ACAD10: variants seen among roughly 807,000 people sequenced by gnomAD.
The protein encoded by ACAD10 is ACAD-10.
A neutral mutation model predicts 116.8 loss-of-function variants in ACAD10; 112 were observed. The ratio of observed to expected loss-of-function variants is 0.96; its 90% CI spans 0.82 to 1.12. The LOEUF (loss-of-function observed/expected upper bound fraction) is 1.12, where lower values mean the gene tolerates loss of function less well. Ranked by LOEUF, ACAD10 falls within the 50% of genes most tolerant of loss-of-function variation. ACAD10 has a pLI of 0.00. For synonymous variants in ACAD10, 486 were observed against 510.6 expected (o/e 0.95, Z 0.65); for missense variants, 1,259 against 1,350.2 (o/e 0.93, Z 1.06).
chr12:111,733,459 T>C (rs1466590747), intron 10 of ACAD10, among the ~76,000 whole-genome samples: 2 of 152,084 alleles, frequency 1.3e-5, no homozygotes, highest in African/African-American at 4.8e-5. Flanking sequence ...GGGCAGAAGC[T>C]GTATCACGTT....
chr12:111,718,427 T>C (rs1888913077), intron 7 of ACAD10, among the ~76,000 whole-genome samples: 1 of 152,184 alleles, frequency 6.6e-6, no homozygotes, highest in Non-Finnish European at 1.5e-5. Context: ...TAGCTAGGGA[T>C]TTATCAATTA....
At chr12:111,746,100 G>T in intron 13 of ACAD10, 44 bp from the exon 14 acceptor site, 1 of 1,594,808 alleles carries the variant, frequency 6.3e-7, no homozygotes, top group East Asian at 2.2e-5. Flanking sequence ...AAAATAAAAT[G>T]AAATCTTCCA....
At chr12:111,729,439 A>G (rs1025449485) in intron 9 of ACAD10, among the ~76,000 whole-genome samples, 4 of 152,124 alleles carry the variant, frequency 2.6e-5, no homozygotes, top group African/African-American at 4.8e-5. Context: ...CGCTTTCGCC[A>G]TGTTGGACAG....
At chr12:111,718,199 G>A (rs148358168) in intron 7 of ACAD10, among the ~76,000 whole-genome samples, 7 of 151,676 alleles carry the variant, frequency 4.6e-5, no homozygotes, top group African/African-American at 1.2e-4. Flanking sequence ...ATAGTCACAC[G>A]CCACCATGTC....
intron 3 of ACAD10, among the ~76,000 whole-genome samples, chr12:111,703,986 A>G (rs889470877): frequency 3.3e-5 from 5 of 151,794 alleles, no homozygotes; most frequent in Admixed American, 1.3e-4. Context: ...GAAAGAAGCC[A>G]GTCAAAAAAG....
chr12:111,692,862 A>C lies in ACAD10; in HGVS notation c.153A>C (p.Gly51=). ...TYRAVIFDMG[G]VLIPSPGRVA... Reference sequence around the variant, plus strand: ...GAGCGGTGATTTTCGACATGGGCGGAGTTCTCATTCCTTCTCCAGGGAGAG... The same window carrying C: ...GAGCGGTGATTTTCGACATGGGCGGCGTTCTCATTCCTTCTCCAGGGAGAG... Residue 51 remains glycine (G), a synonymous_variant, in exon 2 of 21, where the codon GGA becomes GGC. Coordinates refer to ENST00000313698, the MANE Select transcript of ACAD10 (RefSeq NM_025247.6). 2 of 1,614,110 alleles carry C rather than the reference A, an allele frequency of 1.2e-6. No individual in the cohort carries two copies. Among genetic ancestry groups the C allele is most frequent in the Non-Finnish European group, 1.7e-6 (2 of 1,180,020 alleles).
At chr12:111,723,534 A>C (rs1593035748) in intron 8 of ACAD10, among the ~76,000 whole-genome samples, 4 of 115,530 alleles carry the variant, frequency 3.5e-5, no homozygotes, top group East Asian at 3.0e-4. Context: ...ACTTCCCAGT[A>C]GGGGCGGCCA....
intron 1 of ACAD10, among the ~76,000 whole-genome samples, chr12:111,690,780 CA>C (rs540935938): frequency 0.038 from 2,426 of 63,546 alleles, 65 homozygotes; most frequent in African/African-American, 0.11. Flanking sequence ...GTGAGACTCT[CA>C]AAAAAAAAAA....
chr12:111,756,633 C>A lies in ACAD10; in HGVS notation c.*160C>A. 8.5e-7 allele frequency: 1 copy of A among 1,177,012 alleles called. No homozygotes were observed. The highest frequency in any genetic ancestry group is 1.2e-6 in the Non-Finnish European group (1 of 820,812). The allele number at this position is 1,177,012 out of a possible 1,614,324, so 72.9% of individuals were successfully genotyped here. A position where few individuals can be genotyped will look rare whatever the true frequency, so the allele number is the denominator to read the frequency against. ...TGGACTCAATCTTTCTGGTTCTCCACAGAAGACGTCTCTGCAAGAAGCCTG... is the reference window on the plus strand; with the variant it reads ...TGGACTCAATCTTTCTGGTTCTCCAAAGAAGACGTCTCTGCAAGAAGCCTG... On this transcript the variant is annotated 3_prime_UTR_variant, in exon 21 of 21. Coordinates refer to ENST00000313698, the MANE Select transcript of ACAD10 (RefSeq NM_025247.6).
At chr12:111,754,961 T>C (rs1270923475) in intron 19 of ACAD10, among the ~76,000 whole-genome samples, 1 of 152,220 alleles carries the variant, frequency 6.6e-6, no homozygotes, top group Non-Finnish European at 1.5e-5. Context: ...TGTCAAGCCG[T>C]ACACCAGGCA....
intron 12 of ACAD10, among the ~76,000 whole-genome samples, chr12:111,741,969 A>T (rs1165183943): frequency 6.6e-6 from 1 of 152,182 alleles, no homozygotes; most frequent in Non-Finnish European, 1.5e-5. Context: ...GAAGATTAAC[A>T]GTATGTACCT....
chr12:111,733,335 A>G (rs112712341), intron 10 of ACAD10, among the ~76,000 whole-genome samples: 11 of 152,076 alleles, frequency 7.2e-5, no homozygotes, highest in African/African-American at 2.7e-4. Flanking sequence ...TCCTGAGCTT[A>G]AGCAGTCCTC....
intron 19 of ACAD10, 135 bp downstream of exon 19, chr12:111,754,050 A>G (rs1373478065): frequency 1.6e-6 from 2 of 1,283,116 alleles, no homozygotes; most frequent in African/African-American, 3.0e-5. Context: ...GCAGTTTTTC[A>G]AAAATTGGAA....
At chr12:111,692,636 A>G in intron 1 of ACAD10, 61 bp from the exon 2 acceptor site, 2 of 1,533,388 alleles carry the variant, frequency 1.3e-6, no homozygotes, top group South Asian at 2.5e-5. Flanking sequence ...GAGCTCCAGG[A>G]TGGAGGCCTG....
chr12:111,709,363 T>C (rs1888601855), intron 4 of ACAD10, among the ~76,000 whole-genome samples, 163 bp from the exon 5 acceptor site: 2 of 152,250 alleles, frequency 1.3e-5, no homozygotes, highest in Admixed American at 1.3e-4. Context: ...AATTACTCAA[T>C]GTAAGAAGGC....
At chr12:111,706,741 G>A (rs533283363) in intron 4 of ACAD10, among the ~76,000 whole-genome samples, 7 of 147,884 alleles carry the variant, frequency 4.7e-5, no homozygotes, top group Admixed American at 1.4e-4. Context: ...ATGAGCCACC[G>A]TGCCTGGCCT....
Position 111,747,129 on chromosome 12 carries a change from G to T in ACAD10, c.2337G>T (p.Trp779Cys). The T allele has an allele frequency of 6.2e-7, 1 of 1,613,414 alleles. No homozygotes were observed. Among genetic ancestry groups the T allele is most frequent in the Non-Finnish European group, 8.5e-7 (1 of 1,179,506 alleles). Residue 779 changes from tryptophan (W) to cysteine (C), a missense_variant, in exon 15 of 21, where the codon TGG becomes TGT. Transcript: ENST00000313698. ...RYGTEAQKAR[W>C]LIPLLEGKAR... ...GCACCGAAGCGCAGAAGGCTCGCTG[G>T]CTGATTCCTCTGCTGGAGGGGAAAG...
chr12:111,721,684 CT>C lies in ACAD10; in HGVS notation c.1008del (p.Ala337GlnfsTer26), dbSNP rs778208469. 1 of 1,605,124 alleles carries C rather than the reference CT, an allele frequency of 6.2e-7. No individual in the cohort carries two copies. Among genetic ancestry groups the C allele is most frequent in the East Asian group, 2.2e-5 (1 of 44,650 alleles). ...TTGTCCTTGCAGGATTATGAAAGCCCTTGCAAATGCTGGAGTACCTGTCCCT... is the reference window on the plus strand; with the variant it reads ...TTGTCCTTGCAGGATTATGAAAGCCCTGCAAATGCTGGAGTACCTGTCCCT... ...IEREFRIMKA[L>X]ANAGVPVPNV... On this transcript the variant is annotated frameshift_variant, in exon 8 of 21. Coordinates refer to ENST00000313698, the MANE Select transcript of ACAD10 (RefSeq NM_025247.6). LOFTEE classifies it high-confidence loss of function.
chr12:111,735,973 G>A (rs538139947), intron 11 of ACAD10, among the ~76,000 whole-genome samples: 7 of 151,790 alleles, frequency 4.6e-5, no homozygotes, highest in South Asian at 2.1e-4. Context: ...TCTGCCTCCC[G>A]GGTTCAAGCG....
Sources: gnomAD v4.1 joint callset for allele counts (sites outside exome capture counted in the v4.1 genomes callset) on GRCh38, gnomAD v4.1.1 for gene constraint, MANE v1.5 for transcripts, NCBI Gene and HGNC (gene_info 2026-07-23, HGNC 2026-07-21) for gene names.